The following PRKCB variants were observed in gnomAD, a reference collection of about 807,000 sequenced individuals.
The protein encoded by PRKCB is protein kinase C beta type.
In PRKCB, 13 loss-of-function variants were observed where a neutral mutation model predicts 81.5. That is an observed-to-expected ratio of 0.16 (90% CI 0.10 to 0.25). The LOEUF is 0.25. Ranked by LOEUF, PRKCB falls within the 10% of genes least tolerant of loss-of-function variation. The pLI, the probability that PRKCB is intolerant of heterozygous loss-of-function variation, is 1.00. For synonymous variants in PRKCB, 335 were observed against 321.4 expected, an observed-to-expected ratio of 1.04 and a Z score of -0.45; for missense variants, 509 against 875.7, an observed-to-expected ratio of 0.58 and a Z score of 5.29.
In PRKCB at chr16:24,219,957, G is replaced by C. The variant is rs202022036; in HGVS notation, c.*5141G>C. 194 of 1,613,774 alleles carry C rather than the reference G, an allele frequency of 1.2e-4. No homozygotes were observed. In the African/African-American group the frequency reaches 2.3e-3, roughly 20 times the overall value. On this transcript the variant is annotated 3_prime_UTR_variant, in exon 17 of 17. Coordinates refer to ENST00000643927, the MANE Select transcript of PRKCB (RefSeq NM_002738.7). Reference sequence around the variant, plus strand: ...TGTTAATGTGTTTACTTTCCATTTGGCAGAGAGACAAGAGAGACACCTCCA... The same window carrying C: ...TGTTAATGTGTTTACTTTCCATTTGCCAGAGAGACAAGAGAGACACCTCCA...
chr16:23,852,797 A>G (rs977874863), intron 2 of PRKCB, among the ~76,000 whole-genome samples: 8 of 152,184 alleles, frequency 5.3e-5, no homozygotes, highest in African/African-American at 1.4e-4. Context: ...GATTACTTTC[A>G]TCTGTTCCTG....
In PRKCB at chr16:23,836,266, G is replaced by A. The variant is rs1962153490; in HGVS notation, c.91G>A (p.Val31Met). ...ARKGALRQKN[V>M]HEVKNHKFTA... ...CAAAGGCGCCCTCCGGCAGAAGAAC[G>A]TGCATGAGGTCAAGAACCACAAATT... The change falls in exon 1 of 17, where the codon GTG becomes ATG. Residue 31 changes from valine to methionine, a missense_variant. Coordinates refer to ENST00000643927, the MANE Select transcript of PRKCB (RefSeq NM_002738.7). The A allele has an allele frequency of 2.5e-6, 4 of 1,603,606 alleles. No homozygotes were observed. Among genetic ancestry groups the A allele is most frequent in the Non-Finnish European group, 3.4e-6 (4 of 1,175,394 alleles).
intron 2 of PRKCB, among the ~76,000 whole-genome samples, chr16:23,838,867 G>A (rs1035700207): frequency 6.6e-6 from 1 of 152,184 alleles, no homozygotes; most frequent in Admixed American, 6.5e-5. Flanking sequence ...CCACACCAGA[G>A]GACTCCTCAA....
intron 2 of PRKCB, among the ~76,000 whole-genome samples, chr16:23,846,608 C>CAA (rs33919504): frequency 0.38 from 24,857 of 65,310 alleles, 6,560 homozygotes; most frequent in East Asian, 0.82. Context: ...GACTCCGTCT[C>CAA]AAAAAAAAAA....
chr16:24,181,975 C>G (rs1369424782), intron 13 of PRKCB, among the ~76,000 whole-genome samples: 1 of 152,028 alleles, frequency 6.6e-6, no homozygotes, highest in Non-Finnish European at 1.5e-5. Flanking sequence ...TTTCTGTATA[C>G]TGCTGACATT....
intron 16 of PRKCB, among the ~76,000 whole-genome samples, chr16:24,205,333 T>A (rs1430468341): frequency 6.6e-6 from 1 of 151,710 alleles, no homozygotes; most frequent in Non-Finnish European, 1.5e-5. Context: ...TAAAAAATTC[T>A]TTGTAGAGAC....
intron 2 of PRKCB, among the ~76,000 whole-genome samples, chr16:23,921,713 A>C (rs565002788): frequency 2.2e-4 from 33 of 152,170 alleles, no homozygotes; most frequent in Non-Finnish European, 4.4e-4. Flanking sequence ...AGGCAGGAGA[A>C]TTGCTTGAAT....
At chr16:24,035,676 G>C (rs1439505010) in intron 5 of PRKCB, 129 bp downstream of exon 5, 1 of 1,074,998 alleles carries the variant, frequency 9.3e-7, no homozygotes, top group African/African-American at 1.6e-5. Flanking sequence ...GAGGGGGTGT[G>C]GCACTGCTTC....
chr16:23,873,169 A>AAC (rs1298241902), intron 2 of PRKCB, among the ~76,000 whole-genome samples: 1 of 108,446 alleles, frequency 9.2e-6, no homozygotes, highest in Admixed American at 9.7e-5. Context: ...CTCTACTAAA[A>AAC]ACACACACAC....
intron 2 of PRKCB, among the ~76,000 whole-genome samples, chr16:23,849,893 A>G (rs1035253660): frequency 5.9e-5 from 9 of 152,140 alleles, no homozygotes; most frequent in African/African-American, 2.2e-4. Flanking sequence ...ATTATTGACT[A>G]TGTTACCCTG....
intron 2 of PRKCB, among the ~76,000 whole-genome samples, chr16:23,863,187 C>T (rs12923540): frequency 0.75 from 93,944 of 125,202 alleles, 34,297 homozygotes; most frequent in East Asian, 0.95. Flanking sequence ...TATGTGTATA[C>T]ATACATACGT....
At chr16:24,024,618 C>A (rs1051343734) in intron 3 of PRKCB, among the ~76,000 whole-genome samples, 2 of 152,128 alleles carry the variant, frequency 1.3e-5, no homozygotes, top group Non-Finnish European at 2.9e-5. Flanking sequence ...ATTTGTCAAT[C>A]AAATATAAAA....
intron 3 of PRKCB, among the ~76,000 whole-genome samples, chr16:24,030,165 TG>T (rs1413121872): frequency 6.6e-6 from 1 of 152,226 alleles, no homozygotes; most frequent in Admixed American, 6.5e-5. Context: ...CTCAAAGTGC[TG>T]GGGTTATAGG....
chr16:24,088,317 T>C (rs565644719), intron 5 of PRKCB, among the ~76,000 whole-genome samples: 46 of 152,132 alleles, frequency 3.0e-4, no homozygotes, highest in Non-Finnish European at 6.8e-4. Flanking sequence ...TTTTGGCCCC[T>C]TTGGTAGAGA....
chr16:24,143,172 A>T (rs1966928673), intron 9 of PRKCB, among the ~76,000 whole-genome samples: 1 of 152,124 alleles, frequency 6.6e-6, no homozygotes. Context: ...TCACTCTGTC[A>T]TCCAGTCTGG....
At chr16:23,999,104 G>T (rs1214940091) in intron 3 of PRKCB, among the ~76,000 whole-genome samples, 1 of 152,218 alleles carries the variant, frequency 6.6e-6, no homozygotes, top group Non-Finnish European at 1.5e-5. Flanking sequence ...TTCTGCTCAT[G>T]GTTGGAGGCA....
intron 3 of PRKCB, among the ~76,000 whole-genome samples, chr16:24,015,672 T>C (rs552289106): frequency 6.6e-6 from 1 of 152,396 alleles, no homozygotes; most frequent in East Asian, 1.9e-4. Context: ...CTCCTGACTC[T>C]ATCCAGCCGA....
chr16:24,132,771 C>CTCT lies in PRKCB; in HGVS notation c.1065+8791_1065+8792insCTT, dbSNP rs1476624243. On this transcript the variant is annotated intron_variant, in intron 9 of 16. Coordinates refer to ENST00000643927, the MANE Select transcript of PRKCB (RefSeq NM_002738.7). ...TGATTTAGATGTGTATGATTTGGGG[C>CTCT]TTTTTTTTTTTTTTTTTTTTTCTTC... is the stretch of plus-strand genomic sequence containing the variant. Among the ~76,000 whole-genome samples, 8 of 100,954 alleles carry CTCT rather than the reference C, an allele frequency of 7.9e-5. 1 individual carries two copies. The highest frequency in any genetic ancestry group is 3.1e-4 in the African/African-American group (7 of 22,876). The allele number at this position is 100,954 out of a possible 152,430, so 66.2% of individuals were successfully genotyped here.
chr16:24,118,466 C>T (rs1966760960), intron 8 of PRKCB, among the ~76,000 whole-genome samples: 1 of 152,216 alleles, frequency 6.6e-6, no homozygotes, highest in African/African-American at 2.4e-5. Flanking sequence ...GACTCCTAGC[C>T]TACAGAGGTC....
Sources: allele counts gnomAD v4.1 joint callset (sites outside exome capture counted in the v4.1 genomes callset), GRCh38; gene constraint gnomAD v4.1.1; transcripts MANE v1.5; gene names NCBI Gene and HGNC (gene_info 2026-07-23, HGNC 2026-07-21).